The following ACO2 variants were observed in gnomAD, a reference collection of about 807,000 sequenced individuals.
The protein encoded by ACO2 is aconitate hydratase, mitochondrial.
ACO2 carries 31 observed loss-of-function variants against 84.5 expected under a neutral mutation model. That is an observed-to-expected ratio of 0.37 (90% confidence interval 0.28 to 0.50). The LOEUF is 0.50. Among genes scored for constraint, ACO2 ranks in the 20% least tolerant of loss-of-function variants. The pLI is 0.97. For synonymous variants in ACO2, 414 were observed against 412.7 expected, an observed-to-expected ratio of 1.00 and a Z score of -0.04; for missense variants, 685 against 1,029.3, an observed-to-expected ratio of 0.67 and a Z score of 4.58.
chr22:41,494,940 G>A (rs946159618), intron 1 of ACO2, among the ~76,000 whole-genome samples: 7 of 151,956 alleles, frequency 4.6e-5, no homozygotes, highest in Non-Finnish European at 1.0e-4. Context: ...TACCATGTTG[G>A]CCAGGCTGGT....
At chr22:41,511,751 G>C (rs1013573756) in intron 3 of ACO2, 125 bp from the exon 4 acceptor site, 1 of 636,542 alleles carries the variant, frequency 1.6e-6, no homozygotes, top group Non-Finnish European at 2.7e-6. Context: ...CTCTAAGAGA[G>C]GGCCTGTCTC....
At chr22:41,486,753 A>C (rs1352471247) in intron 1 of ACO2, among the ~76,000 whole-genome samples, 1 of 151,988 alleles carries the variant, frequency 6.6e-6, no homozygotes, top group East Asian at 1.9e-4. Flanking sequence ...TACAGGCGTG[A>C]GCCATTGCTC....
At chr22:41,527,220 G>T in intron 15 of ACO2, 68 bp from the exon 16 acceptor site, 3 of 1,611,554 alleles carry the variant, frequency 1.9e-6, no homozygotes, top group South Asian at 1.1e-5. Context: ...AGGCCAGGCA[G>T]GTAGGGCCAG....
rs1219064070 is a variant in ACO2, at chr22:41,528,556, G to A, written c.2286G>A (p.Gln762=). ...TGAACCACACCTTCAACGAGACGCAGATTGAGTGGTTCCGCGCTGGCAGTG... is the reference window on the plus strand; with the variant it reads ...TGAACCACACCTTCAACGAGACGCAAATTGAGTGGTTCCGCGCTGGCAGTG... The part of the protein sequence containing the change: ...ILLNHTFNET[Q]IEWFRAGSAL... Residue 762 remains glutamine (Q), a synonymous_variant, in exon 18 of 18, where the codon CAG becomes CAA. Transcript: ENST00000216254. 1 of 1,613,274 alleles carries A rather than the reference G, an allele frequency of 6.2e-7. No individual in the cohort carries two copies. Among genetic ancestry groups the A allele is most frequent in the Middle Eastern group, 1.8e-4 (1 of 5,484 alleles).
At chr22:41,477,268 C>G (rs1334129336) in intron 1 of ACO2, among the ~76,000 whole-genome samples, 3 of 151,796 alleles carry the variant, frequency 2.0e-5, no homozygotes, top group Non-Finnish European at 1.5e-5. Context: ...ATTCTCCTGC[C>G]TCAGCCTCCT....
At chr22:41,483,652 G>A (rs547542061) in intron 1 of ACO2, among the ~76,000 whole-genome samples, 50 of 148,466 alleles carry the variant, frequency 3.4e-4, no homozygotes, top group Non-Finnish European at 5.8e-4. Flanking sequence ...GTGAGACTCC[G>A]TCTTAAAAAA....
At chr22:41,511,806 G>A (rs2066435294) in intron 3 of ACO2, 70 bp from the exon 4 acceptor site, 2 of 1,162,204 alleles carry the variant, frequency 1.7e-6, no homozygotes, top group African/African-American at 1.6e-5. Context: ...ATGGGGTGGG[G>A]AGGGCTTGGT....
At chr22:41,482,842 T>G (rs952345351) in intron 1 of ACO2, among the ~76,000 whole-genome samples, 3 of 152,340 alleles carry the variant, frequency 2.0e-5, no homozygotes, top group African/African-American at 7.2e-5. Context: ...GTTATACAGC[T>G]TGTAAGGGGC....
At chr22:41,492,418 C>T (rs1226596781) in intron 1 of ACO2, among the ~76,000 whole-genome samples, 6 of 152,116 alleles carry the variant, frequency 3.9e-5, no homozygotes, top group African/African-American at 1.2e-4. Context: ...AGGCGGATCA[C>T]CTGAGGTCAG....
At chr22:41,506,280 T>G (rs1355840063) in intron 2 of ACO2, among the ~76,000 whole-genome samples, 6 of 149,476 alleles carry the variant, frequency 4.0e-5, no homozygotes, top group African/African-American at 1.5e-4. Context: ...TGAGATAGAG[T>G]CTTGCTCTAT....
chr22:41,475,886 A>G (rs1279266642), intron 1 of ACO2, among the ~76,000 whole-genome samples: 2 of 147,348 alleles, frequency 1.4e-5, no homozygotes, highest in African/African-American at 5.0e-5. Flanking sequence ...CAACAGGGTG[A>G]AACTCTGTCT....
At chr22:41,511,521 A>T (rs942918135) in intron 3 of ACO2, among the ~76,000 whole-genome samples, 21 of 152,186 alleles carry the variant, frequency 1.4e-4, no homozygotes, top group African/African-American at 5.1e-4. Flanking sequence ...TCATCTGGGG[A>T]CTTGAGTGCC....
At chr22:41,519,721 T>C (rs2066507036) in intron 8 of ACO2, among the ~76,000 whole-genome samples, 1 of 150,556 alleles carries the variant, frequency 6.6e-6, no homozygotes, top group Non-Finnish European at 1.5e-5. Context: ...GGCAGAAGAA[T>C]GGTGTGAACC....
rs761215553 is a variant in ACO2 at position 41,523,976 on chromosome 22, G to T, written c.1482+35G>T. On this transcript the variant is annotated intron_variant, in intron 12 of 17. Transcript: ENST00000216254. ...CCCAGCTGCGCACAAGCCTGGGATG[G>T]CCTCTGGGGGTCCCTGGCGGGTCAG... 1.6e-5 allele frequency: 25 copies of T among 1,585,454 alleles called. No homozygotes were observed. The South Asian group carries it at 2.8e-4, about 18-fold the overall frequency.
intron 15 of ACO2, chr22:41,527,078 T>G: frequency 1.5e-6 from 1 of 661,860 alleles, no homozygotes. Flanking sequence ...AACAACCACG[T>G]GCCTCTGTCC....
intron 3 of ACO2, 123 bp downstream of exon 3, chr22:41,508,172 T>G: frequency 7.9e-7 from 1 of 1,268,558 alleles, no homozygotes. Context: ...ATTGGTCTGC[T>G]TTTAAAACTT....
At chr22:41,518,119 G>A (rs1244308671) in intron 7 of ACO2, among the ~76,000 whole-genome samples, 1 of 152,216 alleles carries the variant, frequency 6.6e-6, no homozygotes, top group Non-Finnish European at 1.5e-5. Context: ...TTGTGGGAGT[G>A]AACGAGGAGC....
rs1025240412 is a variant in ACO2, at chr22:41,499,669, G to A, written c.37-57G>A. ...TTTTTCACCATACTGAGCTGCCCTC[G>A]GGGATGGACTCTCCTAAGTGCTCCA... On this transcript the variant is annotated intron_variant, in intron 1 of 17. Coordinates refer to ENST00000216254, the MANE Select transcript of ACO2 (RefSeq NM_001098.3). 1.3e-5 allele frequency: 20 copies of A among 1,575,350 alleles called. 1 individual carries two copies. The highest frequency in any genetic ancestry group is 3.4e-5 in the South Asian group (3 of 88,240).
At chr22:41,496,871 C>T (rs1242083184) in intron 1 of ACO2, among the ~76,000 whole-genome samples, 2 of 152,020 alleles carry the variant, frequency 1.3e-5, no homozygotes, top group African/African-American at 4.8e-5. Context: ...CTGGGTGACT[C>T]GAACAGGGAA....
Sources: gnomAD v4.1 joint callset for allele counts (sites outside exome capture counted in the v4.1 genomes callset) on GRCh38, gnomAD v4.1.1 for gene constraint, MANE v1.5 for transcripts, NCBI Gene and HGNC (gene_info 2026-07-23, HGNC 2026-07-21) for gene names.